BLZF1: variants seen among roughly 807,000 people sequenced by gnomAD.
The protein encoded by BLZF1 is golgin-45.
A neutral mutation model predicts 43.8 loss-of-function variants in BLZF1; 39 were observed. That is an observed-to-expected ratio of 0.89 (90% CI 0.69 to 1.16). The LOEUF (loss-of-function observed/expected upper bound fraction) is 1.16. Among genes scored for constraint, BLZF1 ranks in the 50% most tolerant of loss-of-function variants. BLZF1 has a pLI of 0.00. For synonymous variants in BLZF1, 136 were observed against 159.4 expected (o/e 0.85, Z 1.11); for missense variants, 449 against 469.8 (o/e 0.96, Z 0.41).
rs1654373042 is a variant in BLZF1 at position 169,376,898 on chromosome 1, A to T, written c.387A>T (p.Val129=). ...AGGAACTCTCAGAGGTAAAGAATGT[A>T]TTGGAAAAGCTCAAGAATTCTGAAA... ...PNKELSEVKN[V]LEKLKNSERR... Residue 129 remains valine (V), a synonymous_variant, in exon 3 of 7, where the codon GTA becomes GTT. Coordinates refer to ENST00000367808, the MANE Select transcript of BLZF1 (RefSeq NM_001320973.2). 2 of 1,613,206 alleles carry T rather than the reference A, an allele frequency of 1.2e-6. No individual in the cohort carries two copies. The highest frequency in any genetic ancestry group is 1.3e-5 in the African/African-American group (1 of 74,888).
At chr1:169,370,179 A>T (rs1283602600) in intron 2 of BLZF1, among the ~76,000 whole-genome samples, 1 of 152,094 alleles carries the variant, frequency 6.6e-6, no homozygotes, top group African/African-American at 2.4e-5. Flanking sequence ...TCTGTGTCTA[A>T]ATTTACCCTT....
At chr1:169,373,439 C>G (rs1449677311) in intron 2 of BLZF1, among the ~76,000 whole-genome samples, 1 of 152,078 alleles carries the variant, frequency 6.6e-6, no homozygotes, top group South Asian at 2.1e-4. Context: ...TGGATTGTGC[C>G]TACTGCATAT....
chr1:169,373,397 T>C (rs1021285617), intron 2 of BLZF1, among the ~76,000 whole-genome samples: 2 of 152,154 alleles, frequency 1.3e-5, no homozygotes, highest in African/African-American at 4.8e-5. Flanking sequence ...GTCTTCCCAA[T>C]TGAGAGAAGG....
chr1:169,369,831 C>T (rs140357217), intron 2 of BLZF1, among the ~76,000 whole-genome samples: 4 of 152,028 alleles, frequency 2.6e-5, no homozygotes, highest in African/African-American at 4.8e-5. Context: ...TAGAAGATTA[C>T]GATTTAAATA....
chr1:169,383,972 A>C (rs927473086), intron 6 of BLZF1, among the ~76,000 whole-genome samples: 1 of 151,948 alleles, frequency 6.6e-6, no homozygotes, highest in African/African-American at 2.4e-5. Flanking sequence ...TGACTTTTCC[A>C]TCTCAGACTT....
At chr1:169,384,370 T>C (rs1654612453) in intron 6 of BLZF1, among the ~76,000 whole-genome samples, 1 of 152,110 alleles carries the variant, frequency 6.6e-6, no homozygotes, top group African/African-American at 2.4e-5. Context: ...AGTTGCCCCC[T>C]CACTGATATC....
chr1:169,390,849 G>C (rs572998383), downstream of BLZF1, among the ~76,000 whole-genome samples: 1 of 152,236 alleles, frequency 6.6e-6, no homozygotes, highest in Admixed American at 6.5e-5. Flanking sequence ...AAAAAGACAA[G>C]GTCCTAAGAA....
At position 169,388,069 on chromosome 1, in the gene BLZF1, A is replaced by G. The variant is rs189744365; in HGVS notation, c.*887A>G. On this transcript the variant is annotated 3_prime_UTR_variant, in exon 7 of 7. Transcript: ENST00000367808. ...TCAATTAATATATACTATGTAATAT[A>G]TATTATTGTGTATTTATGATTAGCC... The G allele has an allele frequency of 1.9e-3, 293 of 152,268 alleles. 2 individuals are homozygous for G. Among genetic ancestry groups the G allele is most frequent in the African/African-American group, 6.9e-3 (287 of 41,560 alleles). 9.4% of individuals were successfully genotyped at this position (152,268 alleles called of 1,614,324 possible).
chr1:169,386,927 A>T, intron 6 of BLZF1, 70 bp from the exon 7 acceptor site: 1 of 1,084,866 alleles, frequency 9.2e-7, no homozygotes, highest in Non-Finnish European at 1.3e-6. Context: ...AGGTAGGTAT[A>T]CATCAATGAA....
chr1:169,390,818 A>G (rs965838093), downstream of BLZF1, among the ~76,000 whole-genome samples: 1 of 152,218 alleles, frequency 6.6e-6, no homozygotes, highest in Non-Finnish European at 1.5e-5. Context: ...CAGTCAACTG[A>G]GAAGAAAAAA....
At chr1:169,382,569 T>C (rs1340145081) in intron 6 of BLZF1, among the ~76,000 whole-genome samples, 2 of 152,226 alleles carry the variant, frequency 1.3e-5, no homozygotes, top group Non-Finnish European at 2.9e-5. Context: ...CATTTTGATA[T>C]AAAAACCACT....
chr1:169,388,261 TTA>T lies in BLZF1; in HGVS notation c.*1083_*1084del, dbSNP rs1654728624. On this transcript the variant is annotated 3_prime_UTR_variant, in exon 7 of 7. Coordinates refer to ENST00000367808, the MANE Select transcript of BLZF1 (RefSeq NM_001320973.2). ...ATTTTTTTTGTCTGACTCATCTGAG[TTA>T]TATTTAGTTTTCAAGTGGCAATAAA... 1 of 152,094 alleles carries T rather than the reference TTA, an allele frequency of 6.6e-6. No homozygotes were observed. Among genetic ancestry groups the T allele is most frequent in the African/African-American group, 2.4e-5 (1 of 41,384 alleles). The allele number at this position is 152,094 out of a possible 1,614,324, so 9.4% of individuals were successfully genotyped here.
At chr1:169,369,888 G>A (rs1284308655) in intron 2 of BLZF1, among the ~76,000 whole-genome samples, 1 of 152,182 alleles carries the variant, frequency 6.6e-6, no homozygotes, top group African/African-American at 2.4e-5. Context: ...AGCAACTAGG[G>A]TGTATCAAAG....
intron 2 of BLZF1, among the ~76,000 whole-genome samples, chr1:169,369,964 G>C (rs1402347153): frequency 6.6e-6 from 1 of 152,174 alleles, no homozygotes; most frequent in Non-Finnish European, 1.5e-5. Context: ...TGCATGGCTT[G>C]AACAACAAAA....
downstream of BLZF1, among the ~76,000 whole-genome samples, chr1:169,391,420 C>T (rs1654812200): frequency 1.3e-5 from 2 of 152,190 alleles, no homozygotes; most frequent in African/African-American, 4.8e-5. Context: ...TTGCAAGCCA[C>T]TGGCCACTGA....
At chr1:169,370,144 A>G (rs75487543) in intron 2 of BLZF1, among the ~76,000 whole-genome samples, 6,719 of 152,210 alleles carry the variant, frequency 0.044, 210 homozygotes, top group East Asian at 0.12. Context: ...TCATATTCAC[A>G]TGGCATTCTC....
chr1:169,386,022 C>G (rs943375886), intron 6 of BLZF1, among the ~76,000 whole-genome samples: 4 of 152,170 alleles, frequency 2.6e-5, no homozygotes, highest in Non-Finnish European at 5.9e-5. Context: ...AAAATAGGAA[C>G]ATGAGAATCA....
At chr1:169,381,507 C>G (rs993516647) in intron 5 of BLZF1, among the ~76,000 whole-genome samples, 1 of 151,960 alleles carries the variant, frequency 6.6e-6, no homozygotes, top group Non-Finnish European at 1.5e-5. Flanking sequence ...TTCTAGAAAA[C>G]AGAAGAGAAG....
rs1464301183 is a variant in BLZF1, at chr1:169,387,284, C to T, written c.*102C>T. 1 of 1,038,100 alleles carries T rather than the reference C, an allele frequency of 9.6e-7. No homozygotes were observed. The highest frequency in any genetic ancestry group is 1.4e-6 in the Non-Finnish European group (1 of 708,750). 64.3% of individuals were successfully genotyped at this position (1,038,100 alleles called of 1,614,324 possible). A position where few individuals can be genotyped will look rare whatever the true frequency, so the allele number is the denominator to read the frequency against. ...TACAATGCTAGAAATAATATCACTT[C>T]CTATTTACATAATGTATACACCCAA... On this transcript the variant is annotated 3_prime_UTR_variant, in exon 7 of 7. Transcript: ENST00000367808.
Sources: allele counts gnomAD v4.1 joint callset (sites outside exome capture counted in the v4.1 genomes callset), GRCh38; gene constraint gnomAD v4.1.1; transcripts MANE v1.5; gene names NCBI Gene and HGNC (gene_info 2026-07-23, HGNC 2026-07-21).